Variants in EEIG2 observed in about 807,000 individuals in gnomAD.
The protein encoded by EEIG2 is EEIG family member 2, also known as family with sequence similarity 102 member B.
At chr1:108,628,900 CTGTT>C in the EEIG2 span, 1 of 1,046,522 alleles carries the variant, frequency 9.6e-7, no homozygotes, top group South Asian at 2.2e-5. Flanking sequence ...ATAATACTGA[CTGTT>C]GCATATTTGT....
At chr1:108,585,315 T>G in the EEIG2 span, among the ~76,000 whole-genome samples, 1 of 152,166 alleles carries the variant, frequency 6.6e-6, no homozygotes, top group Admixed American at 6.6e-5. Context: ...GGTACTGTAT[T>G]GCCTTCAAAG....
chr1:108,601,222 TA>T, the EEIG2 span, among the ~76,000 whole-genome samples: 9 of 148,878 alleles, frequency 6.0e-5, no homozygotes, highest in Admixed American at 1.3e-4. Flanking sequence ...ACCAATAATC[TA>T]AAAAAAAAAT....
the EEIG2 span, among the ~76,000 whole-genome samples, chr1:108,561,046 A>T: frequency 6.6e-6 from 1 of 152,326 alleles, no homozygotes; most frequent in South Asian, 2.1e-4. Context: ...GACTTGAGTC[A>T]AGTGCTCCTG....
chr1:108,639,153 T>C, the EEIG2 span: 1 of 152,208 alleles, frequency 6.6e-6, no homozygotes, highest in South Asian at 2.1e-4. Context: ...TCTGTTCTAA[T>C]ACTTGGAGAA....
chr1:108,604,402 C>T, the EEIG2 span, among the ~76,000 whole-genome samples: 1 of 152,138 alleles, frequency 6.6e-6, no homozygotes, highest in East Asian at 1.9e-4. Context: ...AGAGTTAAAA[C>T]ATATAAGTGG....
chr1:108,570,819 A>G, the EEIG2 span, among the ~76,000 whole-genome samples: 1 of 152,214 alleles, frequency 6.6e-6, no homozygotes, highest in Non-Finnish European at 1.5e-5. Flanking sequence ...AAACCAGGCC[A>G]GGAAGATAAA....
the EEIG2 span, among the ~76,000 whole-genome samples, chr1:108,623,678 TA>T: frequency 1.3e-5 from 2 of 152,170 alleles, no homozygotes; most frequent in African/African-American, 4.8e-5. Flanking sequence ...AATAAAAAAA[TA>T]TTTTTTTTTT....
chr1:108,577,793 G>T, the EEIG2 span, among the ~76,000 whole-genome samples: 3 of 142,582 alleles, frequency 2.1e-5, no homozygotes, highest in African/African-American at 7.6e-5. Flanking sequence ...CTCTTTTTTG[G>T]TTCCATATGA....
chr1:108,635,195 G>C, the EEIG2 span: 7 of 1,606,798 alleles, frequency 4.4e-6, no homozygotes, highest in Non-Finnish European at 6.0e-6. Context: ...TAAGATGTGA[G>C]TAGTTGATGT....
chr1:108,622,470 G>T, the EEIG2 span, among the ~76,000 whole-genome samples: 2 of 152,194 alleles, frequency 1.3e-5, no homozygotes, highest in East Asian at 3.9e-4. Flanking sequence ...GAGGATCTGA[G>T]ATTTGGAAAT....
At chr1:108,591,502 T>C in the EEIG2 span, among the ~76,000 whole-genome samples, 1 of 152,236 alleles carries the variant, frequency 6.6e-6, no homozygotes, top group Non-Finnish European at 1.5e-5. Flanking sequence ...TTTAAGCCCA[T>C]ACATTTAAAA....
chr1:108,581,152 A>C, the EEIG2 span, among the ~76,000 whole-genome samples: 1 of 152,204 alleles, frequency 6.6e-6, no homozygotes, highest in East Asian at 1.9e-4. Flanking sequence ...CCTGGATGAC[A>C]GCACATCTAT....
the EEIG2 span, chr1:108,635,193 G>C: frequency 1.2e-6 from 2 of 1,610,174 alleles, no homozygotes; most frequent in Non-Finnish European, 1.7e-6. Flanking sequence ...TTTAAGATGT[G>C]AGTAGTTGAT....
chr1:108,589,583 A>G, the EEIG2 span, among the ~76,000 whole-genome samples: 8 of 152,028 alleles, frequency 5.3e-5, 1 homozygote, highest in Admixed American at 6.6e-5. Context: ...TTTGGTGACA[A>G]CGTAATCTCC....
the EEIG2 span, chr1:108,627,249 T>C: frequency 1.3e-5 from 2 of 152,244 alleles, no homozygotes; most frequent in African/African-American, 2.4e-5. Context: ...ACTTATACTC[T>C]GTCCAGAAAT....
chr1:108,598,058 A>G, the EEIG2 span, among the ~76,000 whole-genome samples: 12 of 152,136 alleles, frequency 7.9e-5, no homozygotes, highest in Non-Finnish European at 1.2e-4. Context: ...TAGGCCGGAC[A>G]CCGTGGCTCA....
At chr1:108,600,938 A>T in the EEIG2 span, among the ~76,000 whole-genome samples, 9 of 152,134 alleles carry the variant, frequency 5.9e-5, no homozygotes, top group Non-Finnish European at 1.2e-4. Context: ...TACTTGTGTT[A>T]GTTTGGGGAC....
the EEIG2 span, chr1:108,628,588 T>A: frequency 6.3e-7 from 1 of 1,593,604 alleles, no homozygotes; most frequent in Non-Finnish European, 8.5e-7. Flanking sequence ...TCAGCAGGTA[T>A]CCTTTTAGTT....
chr1:108,598,454 C>T, the EEIG2 span, among the ~76,000 whole-genome samples: 2 of 151,700 alleles, frequency 1.3e-5, no homozygotes, highest in African/African-American at 4.8e-5. Context: ...GCCCTCCTTA[C>T]CAGGGAGTCC....
Sources: gnomAD v4.1 joint callset for allele counts (sites outside exome capture counted in the v4.1 genomes callset) on GRCh38, gnomAD v4.1.1 for gene constraint, MANE v1.5 for transcripts, NCBI Gene and HGNC (gene_info 2026-07-23, HGNC 2026-07-21) for gene names.